PHTF2: variants seen among roughly 807,000 people sequenced by gnomAD.
The protein encoded by PHTF2 is protein PHTF2.
In PHTF2, 60 loss-of-function variants were observed where a neutral mutation model predicts 101.2. That is an observed-to-expected ratio of 0.59 (90% CI 0.48 to 0.73). The LOEUF (loss-of-function observed/expected upper bound fraction) is 0.73. PHTF2 is among the 30% of genes least tolerant of loss of function. The pLI is 0.00. For missense variants in PHTF2, 747 were observed against 908.7 expected (o/e 0.82, Z 2.29); for synonymous variants, 311 against 307.3 (o/e 1.01, Z -0.13).
In PHTF2 at chr7:77,865,795, C is replaced by G. The variant is rs557371881; in HGVS notation, c.147+10961C>G. ...TAGTTTTTTATTCTTAAATTAAGTA[C>G]CTTTGATGTGCCATGTATCAAGCCA... is the stretch of plus-strand genomic sequence containing the variant. On this transcript the variant is annotated intron_variant, in intron 3 of 19. Coordinates refer to ENST00000416283, the Ensembl canonical transcript of PHTF2. Among the ~76,000 whole-genome samples the G allele has an allele frequency of 3.9e-5, 6 of 151,932 alleles. No individual in the cohort carries two copies. In the South Asian group the frequency reaches 1.2e-3, roughly 32 times the overall value.
At chr7:77,922,570 T>C (rs1263054162) in intron 10 of PHTF2, 53 bp from the exon 10 acceptor site, 1 of 1,474,796 alleles carries the variant, frequency 6.8e-7, no homozygotes, top group East Asian at 2.3e-5. Flanking sequence ...GTTTAAAAGC[T>C]AAAAGGTTGG....
At chr7:77,899,760 A>G (rs1374148672) in intron 5 of PHTF2, among the ~76,000 whole-genome samples, 3 of 152,214 alleles carry the variant, frequency 2.0e-5, no homozygotes, top group African/African-American at 7.2e-5. Flanking sequence ...GATTAGGACC[A>G]AAGACAGGAT....
chr7:77,868,375 C>T (rs1798247421), intron 3 of PHTF2, among the ~76,000 whole-genome samples: 1 of 123,562 alleles, frequency 8.1e-6, no homozygotes, highest in Admixed American at 9.3e-5. Flanking sequence ...TGCTTTGTTG[C>T]CCAGGCTGGT....
chr7:77,813,416 C>T (rs147462325), intron 1 of PHTF2, among the ~76,000 whole-genome samples: 19 of 152,244 alleles, frequency 1.2e-4, no homozygotes, highest in East Asian at 7.7e-4. Context: ...TTGCATTTAG[C>T]GACTGGAAGT....
chr7:77,838,897 G>T (rs756870727), intron 1 of PHTF2, among the ~76,000 whole-genome samples: 7 of 152,034 alleles, frequency 4.6e-5, no homozygotes, highest in Non-Finnish European at 1.0e-4. Context: ...AAAAATACAG[G>T]CATTGAATAA....
chr7:77,894,135 A>G, intron 5 of PHTF2, 142 bp downstream of exon 4: 1 of 733,718 alleles, frequency 1.4e-6, no homozygotes, highest in Non-Finnish European at 2.5e-6. Flanking sequence ...TTAAAAAAGA[A>G]GTTAGGACAG....
chr7:77,840,944 A>T (rs1795816844), intron 2 of PHTF2, among the ~76,000 whole-genome samples: 2 of 151,998 alleles, frequency 1.3e-5, no homozygotes, highest in Non-Finnish European at 2.9e-5. Context: ...AATACCTTAG[A>T]TCTTTTGTGT....
At chr7:77,848,290 C>T (rs1796467634) in intron 2 of PHTF2, among the ~76,000 whole-genome samples, 1 of 152,148 alleles carries the variant, frequency 6.6e-6, no homozygotes, top group South Asian at 2.1e-4. Context: ...CCGTACTGTT[C>T]TCCATAGTGG....
At chr7:77,916,930 T>C (rs1328163837) in intron 9 of PHTF2, among the ~76,000 whole-genome samples, 1 of 152,176 alleles carries the variant, frequency 6.6e-6, no homozygotes, top group Non-Finnish European at 1.5e-5. Context: ...AACCTGTGGA[T>C]ATGGAGGCCT....
chr7:77,809,425 C>A (rs545560222), intron 1 of PHTF2, among the ~76,000 whole-genome samples: 4 of 151,888 alleles, frequency 2.6e-5, no homozygotes, highest in Non-Finnish European at 5.9e-5. Flanking sequence ...TGGGGTTTCA[C>A]CATGTTGACC....
intron 2 of PHTF2, among the ~76,000 whole-genome samples, chr7:77,846,587 G>GCCTCCCCTCGCCTCCCTTCC (rs1796309936): frequency 1.6e-4 from 5 of 30,774 alleles, no homozygotes; most frequent in Non-Finnish European, 3.1e-4. Context: ...GCCTCCCCTC[G>GCCTCCCCTCGCCTCCCTTCC]CCTCCCCTCG....
intron 3 of PHTF2, among the ~76,000 whole-genome samples, chr7:77,873,460 C>A (rs1371282002): frequency 6.6e-6 from 1 of 152,116 alleles, no homozygotes; most frequent in Non-Finnish European, 1.5e-5. Context: ...ATCAACCCCC[C>A]CATCTCTAGG....
intron 2 of PHTF2, among the ~76,000 whole-genome samples, chr7:77,844,733 C>T (rs548162772): frequency 5.8e-4 from 88 of 152,274 alleles, no homozygotes; most frequent in Non-Finnish European, 7.9e-4. Flanking sequence ...CTGTGTTGGC[C>T]AGGCTGGTCT....
intron 5 of PHTF2, among the ~76,000 whole-genome samples, chr7:77,897,922 C>A (rs892564735): frequency 6.6e-6 from 1 of 151,060 alleles, no homozygotes; most frequent in Non-Finnish European, 1.5e-5. Flanking sequence ...CTCAGGTGAT[C>A]CTGCCCACCT....
chr7:77,875,628 G>C (rs1031990136), intron 3 of PHTF2, among the ~76,000 whole-genome samples: 3 of 151,846 alleles, frequency 2.0e-5, no homozygotes, highest in African/African-American at 7.3e-5. Context: ...CACCATCTTG[G>C]CTCACTGCAA....
chr7:77,948,929 A>C (rs1584795757), intron 16 of PHTF2, among the ~76,000 whole-genome samples: 1 of 152,334 alleles, frequency 6.6e-6, no homozygotes, highest in Admixed American at 6.5e-5. Context: ...GCTCCCAGAT[A>C]TTAACTTCTG....
chr7:77,801,759 A>G (rs1281625929), intron 1 of PHTF2, among the ~76,000 whole-genome samples: 2 of 152,224 alleles, frequency 1.3e-5, no homozygotes, highest in South Asian at 2.1e-4. Flanking sequence ...CTTTATGTAT[A>G]TGCAAATATT....
chr7:77,806,788 T>C (rs966586371), intron 1 of PHTF2, among the ~76,000 whole-genome samples: 6 of 152,162 alleles, frequency 3.9e-5, no homozygotes, highest in Non-Finnish European at 7.4e-5. Context: ...CTTTTTTGAC[T>C]TGCCTATAGC....
rs1414350404 is a variant in PHTF2, at chr7:77,936,198, C to G, written c.1339-1512C>G. On this transcript the variant is annotated intron_variant, in intron 12 of 19. Coordinates refer to ENST00000416283, the Ensembl canonical transcript of PHTF2. ...AATTAATCAATGCAACTTTACTCCCCCTAGAGGAAAGTGTTAAAAGTTTAC... is the reference window on the plus strand; with the variant it reads ...AATTAATCAATGCAACTTTACTCCCGCTAGAGGAAAGTGTTAAAAGTTTAC... Among the ~76,000 whole-genome samples, 3 of 152,100 alleles carry G rather than the reference C, an allele frequency of 2.0e-5. No individual in the cohort carries two copies. The East Asian group carries it at 5.8e-4, about 29-fold the overall frequency.
Sources: gnomAD v4.1 joint callset for allele counts (sites outside exome capture counted in the v4.1 genomes callset) on GRCh38, gnomAD v4.1.1 for gene constraint, MANE v1.5 for transcripts, NCBI Gene and HGNC (gene_info 2026-07-23, HGNC 2026-07-21) for gene names.